Variants in ENTREP2 observed in about 807,000 individuals in gnomAD.
ENTREP2 encodes the protein protein ENTREP2.
the ENTREP2 span, among the ~76,000 whole-genome samples, chr15:29,574,108 C>T: frequency 6.6e-6 from 1 of 152,066 alleles, no homozygotes; most frequent in Non-Finnish European, 1.5e-5. Context: ...CTCCCTGGCA[C>T]TGATCACGAC....
the ENTREP2 span, among the ~76,000 whole-genome samples, chr15:29,427,436 T>G: frequency 6.6e-6 from 1 of 152,160 alleles, no homozygotes. Flanking sequence ...AATACAAAAT[T>G]ATCACCTTTC....
chr15:29,137,051 C>T, the ENTREP2 span: 51 of 1,439,384 alleles, frequency 3.5e-5, no homozygotes, highest in Non-Finnish European at 4.3e-5. Flanking sequence ...CCTCAGTGGA[C>T]GGTGTGCAGG....
the ENTREP2 span, among the ~76,000 whole-genome samples, chr15:29,387,070 T>C: frequency 6.6e-6 from 1 of 152,204 alleles, no homozygotes; most frequent in South Asian, 2.1e-4. Flanking sequence ...CATCCCTGTC[T>C]TGTGCCAGTT....
At chr15:29,177,230 TG>T in the ENTREP2 span, among the ~76,000 whole-genome samples, 1 of 152,116 alleles carries the variant, frequency 6.6e-6, no homozygotes, top group Non-Finnish European at 1.5e-5. Flanking sequence ...CTCTCGTGTA[TG>T]GGACTCTGTC....
the ENTREP2 span, among the ~76,000 whole-genome samples, chr15:29,352,745 AGCT>A: frequency 1.3e-5 from 2 of 152,156 alleles, no homozygotes; most frequent in African/African-American, 2.4e-5. Flanking sequence ...TTTTCTTAGG[AGCT>A]GCTATTAGCT....
chr15:29,124,770 G>T, the ENTREP2 span: 1 of 1,549,956 alleles, frequency 6.5e-7, no homozygotes, highest in African/African-American at 1.4e-5. Flanking sequence ...GCCTTAACCA[G>T]AAGGAGAATT....
the ENTREP2 span, among the ~76,000 whole-genome samples, chr15:29,592,367 A>G: frequency 6.6e-6 from 1 of 152,212 alleles, no homozygotes; most frequent in East Asian, 1.9e-4. Flanking sequence ...ATAACTTATA[A>G]AGAAACGTAT....
At chr15:29,346,869 C>T in the ENTREP2 span, among the ~76,000 whole-genome samples, 5 of 152,174 alleles carry the variant, frequency 3.3e-5, no homozygotes, top group African/African-American at 7.2e-5. Flanking sequence ...CTCCAAAAGG[C>T]GCAAGTCACA....
At chr15:29,360,363 C>T in the ENTREP2 span, among the ~76,000 whole-genome samples, 1 of 151,912 alleles carries the variant, frequency 6.6e-6, no homozygotes, top group Non-Finnish European at 1.5e-5. Flanking sequence ...ATGAAGACCC[C>T]AGGGCAAAGG....
At chr15:29,136,659 C>T in the ENTREP2 span, among the ~76,000 whole-genome samples, 1 of 150,202 alleles carries the variant, frequency 6.7e-6, no homozygotes, top group African/African-American at 2.4e-5. Flanking sequence ...GCGATTTGCA[C>T]TTTTGTTTTT....
chr15:29,127,581 C>G, the ENTREP2 span, among the ~76,000 whole-genome samples: 2 of 152,184 alleles, frequency 1.3e-5, no homozygotes, highest in Non-Finnish European at 2.9e-5. Context: ...GAGGGTCACA[C>G]AGCCACCAAG....
At chr15:29,180,147 A>G in the ENTREP2 span, among the ~76,000 whole-genome samples, 2 of 152,194 alleles carry the variant, frequency 1.3e-5, no homozygotes, top group African/African-American at 4.8e-5. Flanking sequence ...CAATGTGTCC[A>G]GCAGACAACT....
the ENTREP2 span, among the ~76,000 whole-genome samples, chr15:29,510,809 CA>C: frequency 0.39 from 48,205 of 123,932 alleles, 8,156 homozygotes; most frequent in East Asian, 0.48. Flanking sequence ...GACTCCATCT[CA>C]AAAAAAAAAA....
At chr15:29,356,874 A>G in the ENTREP2 span, among the ~76,000 whole-genome samples, 111 of 152,306 alleles carry the variant, frequency 7.3e-4, no homozygotes, top group Non-Finnish European at 1.1e-3. Flanking sequence ...ATAAAATCCA[A>G]CAAGCTGATT....
chr15:29,447,990 C>T, the ENTREP2 span, among the ~76,000 whole-genome samples: 12 of 152,020 alleles, frequency 7.9e-5, no homozygotes, highest in East Asian at 7.8e-4. Context: ...CACTTGAACC[C>T]GGGACGTGGA....
At chr15:29,493,125 CTTT>C in the ENTREP2 span, among the ~76,000 whole-genome samples, 61 of 84,724 alleles carry the variant, frequency 7.2e-4, no homozygotes, top group African/African-American at 2.3e-3. Flanking sequence ...CCTGACAACC[CTTT>C]TTTTTTTTTT....
At chr15:29,448,281 C>T in the ENTREP2 span, among the ~76,000 whole-genome samples, 1 of 152,164 alleles carries the variant, frequency 6.6e-6, no homozygotes, top group Non-Finnish European at 1.5e-5. Context: ...TCCAGTGCTT[C>T]ACCTATGATG....
chr15:29,431,551 CT>C, the ENTREP2 span, among the ~76,000 whole-genome samples: 2 of 151,978 alleles, frequency 1.3e-5, no homozygotes, highest in African/African-American at 4.8e-5. Context: ...ATAAAAGTTA[CT>C]TTGTGAAACC....
the ENTREP2 span, among the ~76,000 whole-genome samples, chr15:29,373,233 G>C: frequency 6.6e-6 from 1 of 152,132 alleles, no homozygotes. Flanking sequence ...GAGGGACAGT[G>C]ACAGTGAAGG....
Sources: allele counts gnomAD v4.1 joint callset (sites outside exome capture counted in the v4.1 genomes callset), GRCh38; gene constraint gnomAD v4.1.1; transcripts MANE v1.5; gene names NCBI Gene and HGNC (gene_info 2026-07-23, HGNC 2026-07-21).